Variants in SFMBT2 observed in about 807,000 individuals in gnomAD.
SFMBT2 encodes the protein scm-like with four MBT domains protein 2.
SFMBT2 carries 38 observed loss-of-function variants against 110.1 expected under a neutral mutation model. The observed-to-expected ratio is 0.35, with a 90% CI of 0.27 to 0.45. The LOEUF (loss-of-function observed/expected upper bound fraction) is 0.45, where lower values mean the gene tolerates loss of function less well. Ranked by LOEUF, SFMBT2 falls within the 20% of genes least tolerant of loss-of-function variation. The pLI is 1.00. For synonymous variants in SFMBT2, 425 were observed against 425.4 expected (o/e 1.00, Z 0.01); for missense variants, 1,011 against 1,094.9 (o/e 0.92, Z 1.08).
intron 11 of SFMBT2, 62 bp downstream of exon 11, chr10:7,220,349 C>T (rs1374132153): frequency 1.8e-5 from 27 of 1,467,322 alleles, no homozygotes; most frequent in African/African-American, 5.6e-5. Context: ...TTCCTCCACA[C>T]GTTGCCATTT....
At chr10:7,272,571 C>T (rs922454107) in intron 7 of SFMBT2, among the ~76,000 whole-genome samples, 14 of 152,156 alleles carry the variant, frequency 9.2e-5, no homozygotes, top group Non-Finnish European at 1.9e-4. Flanking sequence ...TCAGCCTTCT[C>T]TGAACAGGCT....
At chr10:7,239,451 C>T (rs1840366961) in intron 9 of SFMBT2, among the ~76,000 whole-genome samples, 1 of 152,168 alleles carries the variant, frequency 6.6e-6, no homozygotes, top group African/African-American at 2.4e-5. Flanking sequence ...CAATATGACT[C>T]TTAATCCTGG....
At chr10:7,234,253 G>A (rs10905124) in intron 9 of SFMBT2, among the ~76,000 whole-genome samples, 69,039 of 152,020 alleles carry the variant, frequency 0.45, 16,569 homozygotes, top group East Asian at 0.86. Flanking sequence ...GAGAAACAAA[G>A]AAGACAATAA....
rs561407395 is a variant in SFMBT2, at chr10:7,209,349, C to T, written c.1331-3421G>A. On this transcript the variant is annotated intron_variant, in intron 11 of 20. Coordinates refer to ENST00000397167, the MANE Select transcript of SFMBT2 (RefSeq NM_001387889.1). ...TGGCTAAGATCAAGCGAAAAATCCC[C>T]GACAAACAACACAAGACCATGTTCA... Among the ~76,000 whole-genome samples the T allele has an allele frequency of 1.4e-4, 22 of 152,314 alleles. No individual in the cohort carries two copies. The South Asian group carries it at 1.5e-3, about 10-fold the overall frequency.
At chr10:7,257,206 A>AAAGGAG (rs1428840777) in intron 7 of SFMBT2, among the ~76,000 whole-genome samples, 5 of 152,306 alleles carry the variant, frequency 3.3e-5, no homozygotes, top group Middle Eastern at 3.4e-3. Context: ...ACAAACTGCA[A>AAAGGAG]TATCTTGGTG....
chr10:7,184,893 G>A (rs1838348804), intron 16 of SFMBT2, among the ~76,000 whole-genome samples: 3 of 152,192 alleles, frequency 2.0e-5, no homozygotes. Context: ...CTGTGGGAAA[G>A]CCTCTGTTCT....
intron 16 of SFMBT2, among the ~76,000 whole-genome samples, chr10:7,180,594 T>A (rs376115358): frequency 6.6e-6 from 1 of 152,328 alleles, no homozygotes; most frequent in East Asian, 1.9e-4. Flanking sequence ...GGTGCCTGCC[T>A]GGCCTCACTG....
intron 16 of SFMBT2, among the ~76,000 whole-genome samples, chr10:7,179,391 GAAAAAAAAAAAAAA>G (rs57497418): frequency 2.8e-5 from 2 of 70,300 alleles, no homozygotes; most frequent in Admixed American, 2.2e-4. Context: ...TTGCATTTTC[GAAAAAAAAAAAAAA>G]AAAAAAAAAA....
rs1439465988 is a variant in SFMBT2, at chr10:7,162,088, C to T, written c.*1682G>A. 1.3e-5 allele frequency: 2 copies of T among 152,172 alleles called. No individual in the cohort carries two copies. The highest frequency in any genetic ancestry group is 1.5e-5 in the Non-Finnish European group (1 of 68,048). 9.4% of individuals were successfully genotyped at this position (152,172 alleles called of 1,614,324 possible). ...GTCTGAGTGGAGATATGGAATCGCT[C>T]ATGAGGATATGGAGATGGCTTCTGG... On this transcript the variant is annotated 3_prime_UTR_variant, in exon 21 of 21. Coordinates refer to ENST00000397167, the MANE Select transcript of SFMBT2 (RefSeq NM_001387889.1).
intron 4 of SFMBT2, among the ~76,000 whole-genome samples, chr10:7,298,269 C>T (rs990440515): frequency 6.6e-6 from 1 of 152,186 alleles, no homozygotes; most frequent in Non-Finnish European, 1.5e-5. Context: ...GAGTCTCGCT[C>T]CAAACCCTGA....
intron 1 of SFMBT2, among the ~76,000 whole-genome samples, chr10:7,409,549 G>C (rs1846314719): frequency 6.6e-6 from 1 of 151,772 alleles, no homozygotes; most frequent in African/African-American, 2.4e-5. Flanking sequence ...AGGCACACAC[G>C]ACAGTTGCGT....
At chr10:7,221,181 T>C (rs934999100) in intron 10 of SFMBT2, among the ~76,000 whole-genome samples, 3 of 152,162 alleles carry the variant, frequency 2.0e-5, no homozygotes, top group East Asian at 1.9e-4. Context: ...CACCTTCCTA[T>C]ACCCATTGAT....
chr10:7,294,621 T>C (rs1035109592), intron 4 of SFMBT2, among the ~76,000 whole-genome samples: 2 of 152,172 alleles, frequency 1.3e-5, no homozygotes, highest in African/African-American at 4.8e-5. Flanking sequence ...TTTGTAACAC[T>C]GTTACTCTAA....
At chr10:7,314,662 C>G (rs1842936810) in intron 4 of SFMBT2, among the ~76,000 whole-genome samples, 4 of 152,128 alleles carry the variant, frequency 2.6e-5, no homozygotes, top group Admixed American at 2.6e-4. Context: ...AATCCCAGCA[C>G]TTTGGGAGGC....
chr10:7,332,747 C>G (rs1843602285), intron 4 of SFMBT2, among the ~76,000 whole-genome samples: 2 of 152,212 alleles, frequency 1.3e-5, no homozygotes, highest in South Asian at 2.1e-4. Flanking sequence ...AATAGAGAAC[C>G]AGTCTGAGGT....
chr10:7,410,564 G>T (rs1421886761), intron 1 of SFMBT2, among the ~76,000 whole-genome samples: 1 of 152,194 alleles, frequency 6.6e-6, no homozygotes, highest in Non-Finnish European at 1.5e-5. Flanking sequence ...AGACGCAGGC[G>T]AAGGGGACCC....
chr10:7,406,102 C>T (rs182943813), intron 1 of SFMBT2, among the ~76,000 whole-genome samples: 1 of 152,072 alleles, frequency 6.6e-6, no homozygotes, highest in African/African-American at 2.4e-5. Flanking sequence ...TACTTTAGGG[C>T]AGAGTAAAAT....
At chr10:7,308,679 T>C (rs1322934805) in intron 4 of SFMBT2, among the ~76,000 whole-genome samples, 1 of 152,164 alleles carries the variant, frequency 6.6e-6, no homozygotes, top group Non-Finnish European at 1.5e-5. Flanking sequence ...TCAGCTGTGC[T>C]AAGGTAGCTG....
chr10:7,177,437 C>A (rs1156690197), intron 16 of SFMBT2, among the ~76,000 whole-genome samples: 1 of 152,102 alleles, frequency 6.6e-6, no homozygotes, highest in Non-Finnish European at 1.5e-5. Flanking sequence ...TGAACCATGT[C>A]CCTCCTAAAT....
Sources: allele counts gnomAD v4.1 joint callset (sites outside exome capture counted in the v4.1 genomes callset), GRCh38; gene constraint gnomAD v4.1.1; transcripts MANE v1.5; gene names NCBI Gene and HGNC (gene_info 2026-07-23, HGNC 2026-07-21).